The following RIMS2 variants were observed in gnomAD, a reference collection of about 807,000 sequenced individuals.
RIMS2 encodes regulating synaptic membrane exocytosis protein 2.
RIMS2 carries 59 observed loss-of-function variants against 174.4 expected under a neutral mutation model. The observed-to-expected ratio is 0.34, with a 90% CI of 0.27 to 0.42. The LOEUF (loss-of-function observed/expected upper bound fraction) is 0.42, where lower values mean the gene tolerates loss of function less well. RIMS2 is among the 10% of genes least tolerant of loss of function. The pLI is 1.00. For missense variants in RIMS2, 1,620 were observed against 1,666.3 expected (o/e 0.97, Z 0.48); for synonymous variants, 606 against 572.5 (o/e 1.06, Z -0.84).
At chr8:104,195,260 G>A (rs1366296122) in intron 19 of RIMS2, among the ~76,000 whole-genome samples, 3 of 152,102 alleles carry the variant, frequency 2.0e-5, no homozygotes, top group Admixed American at 6.6e-5. Flanking sequence ...ATATGGATGG[G>A]AAGTTGAGGA....
intron 2 of RIMS2, among the ~76,000 whole-genome samples, chr8:103,721,478 A>C (rs1397369005): frequency 6.6e-6 from 1 of 152,200 alleles, no homozygotes; most frequent in Non-Finnish European, 1.5e-5. Flanking sequence ...TAAAGAGCAT[A>C]TGTTGAAGTT....
Position 104,251,014 on chromosome 8 carries a change from C to A in RIMS2, c.3692-10C>A. The A allele has an allele frequency of 6.2e-7, 1 of 1,609,590 alleles. No homozygotes were observed. The highest frequency in any genetic ancestry group is 8.5e-7 in the Non-Finnish European group (1 of 1,177,372). ...TATTGCTCATTCTCCTCTGTGTTTT[C>A]TTTCCCAAGCACCGTATGTAAAAGT... On this transcript the variant is annotated splice_polypyrimidine_tract_variant and intron_variant, in intron 22 of 23. Transcript: ENST00000504942.
chr8:103,951,139 T>A (rs1281789292), intron 14 of RIMS2, among the ~76,000 whole-genome samples: 22 of 152,244 alleles, frequency 1.4e-4, no homozygotes, highest in Admixed American at 1.4e-3. Context: ...TTTCAATAGA[T>A]GCAGAAGTGG....
intron 8 of RIMS2, 81 bp from the exon 12 acceptor site, chr8:103,918,360 A>G (rs2076990574): frequency 1.3e-6 from 1 of 787,118 alleles, no homozygotes; most frequent in South Asian, 2.1e-5. Flanking sequence ...TCCTATTAAT[A>G]GGTTGATAAT....
intron 4 of RIMS2, among the ~76,000 whole-genome samples, chr8:103,896,230 T>TAAG (rs2099277017): frequency 6.6e-6 from 1 of 151,612 alleles, no homozygotes; most frequent in East Asian, 1.9e-4. Context: ...TTTGCCTCTT[T>TAAG]TAGCTGACAA....
chr8:103,867,329 A>G (rs548068600), intron 3 of RIMS2, among the ~76,000 whole-genome samples: 1 of 151,790 alleles, frequency 6.6e-6, no homozygotes, highest in South Asian at 2.1e-4. Context: ...TTAATAATGA[A>G]CATTTTGAAA....
intron 3 of RIMS2, among the ~76,000 whole-genome samples, chr8:103,794,895 A>T (rs1484889503): frequency 6.6e-6 from 1 of 152,220 alleles, no homozygotes; most frequent in African/African-American, 2.4e-5. Context: ...ATACCATCTC[A>T]CACCAGTTAG....
At chr8:103,985,771 A>T (rs2094315753) in intron 16 of RIMS2, among the ~76,000 whole-genome samples, 1 of 152,202 alleles carries the variant, frequency 6.6e-6, no homozygotes, top group Non-Finnish European at 1.5e-5. Flanking sequence ...ATACACAATG[A>T]AATACTATTC....
chr8:104,010,000 G>A (rs1490837723), intron 17 of RIMS2, among the ~76,000 whole-genome samples: 2 of 151,590 alleles, frequency 1.3e-5, no homozygotes, highest in Non-Finnish European at 3.0e-5. Context: ...ATGGATGGAT[G>A]GATGGATGGA....
In RIMS2 at chr8:104,169,991, T is replaced by A. The variant is rs139613652; in HGVS notation, c.3335-74925T>A. The stretch of plus-strand genomic sequence containing the variant: ...ATAGTTTTGAGTGTTCCTTTTGGAG[T>A]TGATTTCCAGTTTTATTCCACTCTC... On this transcript the variant is annotated intron_variant, in intron 19 of 23. Transcript: ENST00000504942. Among the ~76,000 whole-genome samples, 653 of 152,186 alleles carry A rather than the reference T, an allele frequency of 4.3e-3. 8 individuals carry two copies. Among genetic ancestry groups the A allele is most frequent in the African/African-American group, 0.015 (609 of 41,556 alleles).
intron 19 of RIMS2, among the ~76,000 whole-genome samples, chr8:104,037,292 T>C (rs531089420): frequency 1.3e-5 from 2 of 152,208 alleles, no homozygotes; most frequent in African/African-American, 2.4e-5. Flanking sequence ...TGACCTTTAA[T>C]GAGCCCTCAC....
chr8:103,864,557 TA>T (rs1451584494), intron 3 of RIMS2, among the ~76,000 whole-genome samples: 8 of 152,142 alleles, frequency 5.3e-5, no homozygotes, highest in African/African-American at 1.9e-4. Flanking sequence ...ATTTTGATTT[TA>T]AAAAATTTCC....
At chr8:104,044,794 T>C (rs2096665689) in intron 19 of RIMS2, among the ~76,000 whole-genome samples, 1 of 151,726 alleles carries the variant, frequency 6.6e-6, no homozygotes, top group South Asian at 2.1e-4. Flanking sequence ...AGACATGGTC[T>C]ATGTTAACCA....
chr8:103,763,682 G>A (rs575866956), intron 2 of RIMS2, among the ~76,000 whole-genome samples: 105 of 152,140 alleles, frequency 6.9e-4, no homozygotes, highest in African/African-American at 2.5e-3. Flanking sequence ...GTCTTTAATG[G>A]GAATCAGACA....
chr8:103,581,914 G>T (rs564574308), intron 1 of RIMS2, among the ~76,000 whole-genome samples: 2 of 152,258 alleles, frequency 1.3e-5, no homozygotes, highest in East Asian at 3.9e-4. Context: ...CAGTGAATTG[G>T]GGGAGGTGGC....
intron 15 of RIMS2, among the ~76,000 whole-genome samples, chr8:103,973,716 T>C (rs2154548185): frequency 6.6e-6 from 1 of 152,288 alleles, no homozygotes; most frequent in African/African-American, 2.4e-5. Context: ...TGAATGAGCA[T>C]TGTGTGCAGT....
At position 103,623,478 on chromosome 8, in the gene RIMS2, G is replaced by GTTTTT. The variant is rs71575976; in HGVS notation, c.177-73588_177-73584dup. ...TAAAAATTAAACTAGGGTTTCTTCA[G>GTTTTT]TTTTTTTTTTTTTTTTTTTTTTTTG... is the stretch of plus-strand genomic sequence containing the variant. On this transcript the variant is annotated intron_variant, in intron 1 of 23. Coordinates refer to ENST00000504942, the Ensembl canonical transcript of RIMS2. Among the ~76,000 whole-genome samples, 228 of 83,216 alleles carry GTTTTT rather than the reference G, an allele frequency of 2.7e-3. 6 individuals carry two copies. Among genetic ancestry groups the GTTTTT allele is most frequent in the African/African-American group, 5.0e-3 (104 of 20,920 alleles). 54.6% of individuals were successfully genotyped at this position (83,216 alleles called of 152,430 possible). A position where few individuals can be genotyped will look rare whatever the true frequency, so the allele number is the denominator to read the frequency against.
At chr8:103,850,747 A>G (rs533286927) in intron 3 of RIMS2, among the ~76,000 whole-genome samples, 2 of 152,158 alleles carry the variant, frequency 1.3e-5, no homozygotes. Flanking sequence ...TTAGTAGGTA[A>G]GTCATATATT....
chr8:103,539,937 C>G (rs1841747094), intron 1 of RIMS2, among the ~76,000 whole-genome samples: 1 of 152,234 alleles, frequency 6.6e-6, no homozygotes, highest in African/African-American at 2.4e-5. Context: ...CATGCCAATG[C>G]TCCACGCACC....
Sources: gnomAD v4.1 joint callset for allele counts (sites outside exome capture counted in the v4.1 genomes callset) on GRCh38, gnomAD v4.1.1 for gene constraint, MANE v1.5 for transcripts, NCBI Gene and HGNC (gene_info 2026-07-23, HGNC 2026-07-21) for gene names.